KCNN2: variants seen among roughly 807,000 people sequenced by gnomAD.
KCNN2 encodes the protein small conductance calcium-activated potassium channel protein 2.
A neutral mutation model predicts 55.5 loss-of-function variants in KCNN2; 24 were observed. The ratio of observed to expected loss-of-function variants is 0.43; its 90% CI spans 0.31 to 0.61. The LOEUF is 0.61. KCNN2 is among the 20% of genes least tolerant of loss of function. The pLI is 0.08. For missense variants in KCNN2, 754 were observed against 853.6 expected, an observed-to-expected ratio of 0.88 and a Z score of 1.45; for synonymous variants, 431 against 336.1, an observed-to-expected ratio of 1.28 and a Z score of -3.09.
intron 3 of KCNN2, among the ~76,000 whole-genome samples, chr5:114,461,060 G>C (rs925622962): frequency 1.3e-5 from 2 of 151,984 alleles, no homozygotes; most frequent in Admixed American, 6.6e-5. Context: ...TATTTCTAGG[G>C]GTTTTATTTT....
intron 2 of KCNN2, among the ~76,000 whole-genome samples, chr5:114,338,455 A>G (rs905737581): frequency 1.3e-5 from 2 of 152,228 alleles, no homozygotes; most frequent in Non-Finnish European, 2.9e-5. Context: ...AATATAGGTC[A>G]TTCTCGTGAC....
intron 2 of KCNN2, among the ~76,000 whole-genome samples, chr5:114,236,121 C>T (rs1561534517): frequency 6.6e-6 from 1 of 152,078 alleles, no homozygotes; most frequent in Non-Finnish European, 1.5e-5. Flanking sequence ...ATACTTTTCT[C>T]CTCTTTAGGT....
intron 6 of KCNN2, 153 bp from the exon 7 acceptor site, chr5:114,493,250 A>G: frequency 4.2e-6 from 3 of 710,498 alleles, no homozygotes; most frequent in Non-Finnish European, 2.6e-6. Flanking sequence ...TTCTCATTGT[A>G]CCAGACACAT....
At chr5:114,063,695 G>T (rs1750379761) in intron 1 of KCNN2, among the ~76,000 whole-genome samples, 1 of 152,146 alleles carries the variant, frequency 6.6e-6, no homozygotes, top group African/African-American at 2.4e-5. Context: ...GGCAATGCTA[G>T]GCTGACCAGC....
intron 2 of KCNN2, among the ~76,000 whole-genome samples, chr5:114,306,957 G>A (rs931262570): frequency 6.6e-6 from 1 of 151,852 alleles, no homozygotes; most frequent in Non-Finnish European, 1.5e-5. Flanking sequence ...ACCCACCTTG[G>A]CCTCCCAAAG....
At chr5:114,451,677 A>T (rs950063877) in intron 3 of KCNN2, among the ~76,000 whole-genome samples, 1 of 152,124 alleles carries the variant, frequency 6.6e-6, no homozygotes, top group Non-Finnish European at 1.5e-5. Flanking sequence ...CGGGCGGATT[A>T]TGAGGTCAGG....
chr5:114,358,292 T>A (rs1757335603), upstream of KCNN2, among the ~76,000 whole-genome samples: 1 of 152,012 alleles, frequency 6.6e-6, no homozygotes, highest in Non-Finnish European at 1.5e-5. Context: ...CATCAAAAAG[T>A]GGGCGAAGGA....
At chr5:114,121,578 C>A (rs532819757) in intron 1 of KCNN2, among the ~76,000 whole-genome samples, 2 of 152,132 alleles carry the variant, frequency 1.3e-5, no homozygotes, top group Admixed American at 6.6e-5. Flanking sequence ...TACCCATAAC[C>A]CCCCAGCTGC....
intron 2 of KCNN2, among the ~76,000 whole-genome samples, chr5:114,241,713 T>C (rs1378104586): frequency 1.7e-5 from 2 of 117,282 alleles, no homozygotes; most frequent in African/African-American, 6.9e-5. Context: ...TGGATATATA[T>C]ATATATACGT....
chr5:114,376,771 A>G (rs1757960737), intron 2 of KCNN2, among the ~76,000 whole-genome samples: 1 of 152,208 alleles, frequency 6.6e-6, no homozygotes, highest in African/African-American at 2.4e-5. Flanking sequence ...CCGAGGAGAT[A>G]AAGTGAACAG....
chr5:114,205,780 G>A (rs1753755135), intron 1 of KCNN2, among the ~76,000 whole-genome samples: 1 of 152,032 alleles, frequency 6.6e-6, no homozygotes, highest in Admixed American at 6.6e-5. Flanking sequence ...GTATTTTACT[G>A]ACTTAAAATG....
At chr5:114,220,542 G>A (rs1754114045) in intron 1 of KCNN2, among the ~76,000 whole-genome samples, 1 of 151,880 alleles carries the variant, frequency 6.6e-6, no homozygotes. Flanking sequence ...ATACAGAAAT[G>A]TTTTTTAAAA....
chr5:114,071,163 A>G (rs552905224), intron 1 of KCNN2, among the ~76,000 whole-genome samples: 1 of 152,348 alleles, frequency 6.6e-6, no homozygotes, highest in South Asian at 2.1e-4. Flanking sequence ...AAAGGATGTT[A>G]TATAATGGCT....
chr5:114,458,489 G>A (rs1364350298), intron 3 of KCNN2, among the ~76,000 whole-genome samples: 1 of 152,066 alleles, frequency 6.6e-6, no homozygotes, highest in Non-Finnish European at 1.5e-5. Flanking sequence ...CTAGCATGTG[G>A]CCCAAGGCAA....
intron 2 of KCNN2, among the ~76,000 whole-genome samples, chr5:114,386,824 C>T (rs756154052): frequency 2.0e-5 from 3 of 152,206 alleles, no homozygotes; most frequent in Non-Finnish European, 2.9e-5. Context: ...ATTTCAGTCT[C>T]TATTTACTAT....
chr5:114,452,617 T>C (rs755641763), intron 3 of KCNN2, among the ~76,000 whole-genome samples: 1 of 152,198 alleles, frequency 6.6e-6, no homozygotes, highest in Non-Finnish European at 1.5e-5. Flanking sequence ...TAAAATCATC[T>C]GGGGAGCTTT....
intron 2 of KCNN2, among the ~76,000 whole-genome samples, chr5:114,301,624 C>T (rs2150022521): frequency 6.6e-6 from 1 of 152,234 alleles, no homozygotes; most frequent in African/African-American, 2.4e-5. Flanking sequence ...GGGAACAAGC[C>T]AGCGTGGGAG....
intron 4 of KCNN2, among the ~76,000 whole-genome samples, chr5:114,467,182 G>A (rs774070568): frequency 2.0e-5 from 3 of 152,090 alleles, no homozygotes; most frequent in Non-Finnish European, 2.9e-5. Context: ...CTGTTAAGTC[G>A]CTAAGAGGGT....
intron 1 of KCNN2, among the ~76,000 whole-genome samples, chr5:114,140,282 C>T (rs535426287): frequency 7.9e-5 from 12 of 152,250 alleles, no homozygotes; most frequent in African/African-American, 2.9e-4. Flanking sequence ...GGTTTATTAT[C>T]AAGTAGCTAA....
Sources: allele counts gnomAD v4.1 joint callset (sites outside exome capture counted in the v4.1 genomes callset), GRCh38; gene constraint gnomAD v4.1.1; transcripts MANE v1.5; gene names NCBI Gene and HGNC (gene_info 2026-07-23, HGNC 2026-07-21).